NELL2: variants seen among roughly 807,000 people sequenced by gnomAD.
The protein encoded by NELL2 is neural EGFL like 2.
In NELL2, 41 loss-of-function variants were observed where a neutral mutation model predicts 109.6. The observed-to-expected ratio is 0.37, with a 90% CI of 0.29 to 0.49. The LOEUF is 0.49. Among genes scored for constraint, NELL2 ranks in the 20% least tolerant of loss-of-function variants. The pLI is 0.98. For synonymous variants in NELL2, 355 were observed against 344.7 expected, an observed-to-expected ratio of 1.03 and a Z score of -0.33; for missense variants, 900 against 1,008.3, an observed-to-expected ratio of 0.89 and a Z score of 1.45.
chr12:44,554,482 G>A (rs1168392855), intron 15 of NELL2, among the ~76,000 whole-genome samples: 1 of 152,056 alleles, frequency 6.6e-6, no homozygotes, highest in Non-Finnish European at 1.5e-5. Context: ...TCTTGCAGAG[G>A]GATACCATGA....
chr12:44,657,979 C>G (rs1481550867), intron 13 of NELL2, among the ~76,000 whole-genome samples: 1 of 152,192 alleles, frequency 6.6e-6, no homozygotes, highest in African/African-American at 2.4e-5. Flanking sequence ...ATTTATAAGA[C>G]TTTGGGTATA....
chr12:44,849,069 G>T (rs926376314), intron 2 of NELL2, among the ~76,000 whole-genome samples: 3 of 152,086 alleles, frequency 2.0e-5, no homozygotes, highest in Non-Finnish European at 4.4e-5. Context: ...TCTTTCTGTT[G>T]AATTTACACA....
chr12:44,657,554 C>T (rs1947554908), intron 13 of NELL2, among the ~76,000 whole-genome samples: 1 of 152,174 alleles, frequency 6.6e-6, no homozygotes, highest in South Asian at 2.1e-4. Flanking sequence ...TAGGTATACA[C>T]GTGCCATGGT....
At chr12:44,652,843 C>T (rs1173600029) in intron 13 of NELL2, among the ~76,000 whole-genome samples, 2 of 152,196 alleles carry the variant, frequency 1.3e-5, no homozygotes. Flanking sequence ...AATCTGTTTC[C>T]TTGCCTTTTC....
At chr12:44,869,703 C>T (rs1477015043) in intron 2 of NELL2, among the ~76,000 whole-genome samples, 2 of 152,050 alleles carry the variant, frequency 1.3e-5, no homozygotes, top group Non-Finnish European at 2.9e-5. Flanking sequence ...TTCAAAGAGC[C>T]CTCAATGTAA....
At chr12:44,614,736 A>T (rs537202526) in intron 13 of NELL2, among the ~76,000 whole-genome samples, 7 of 152,134 alleles carry the variant, frequency 4.6e-5, no homozygotes, top group Admixed American at 4.6e-4. Flanking sequence ...TGAGGTTTAA[A>T]TTTGGTATTC....
intron 9 of NELL2, among the ~76,000 whole-genome samples, chr12:44,765,480 C>T (rs910753448): frequency 6.6e-6 from 1 of 152,090 alleles, no homozygotes. Context: ...GTAGCCAGTT[C>T]CCTAATATAG....
At chr12:44,770,007 A>G (rs1269795813) in intron 9 of NELL2, among the ~76,000 whole-genome samples, 1 of 152,132 alleles carries the variant, frequency 6.6e-6, no homozygotes, top group Non-Finnish European at 1.5e-5. Flanking sequence ...GGAAATCAGG[A>G]CACAATTTGA....
intron 15 of NELL2, among the ~76,000 whole-genome samples, chr12:44,584,721 G>A (rs1944435359): frequency 6.6e-6 from 1 of 152,150 alleles, no homozygotes; most frequent in East Asian, 1.9e-4. Flanking sequence ...GAAAATCCAT[G>A]TTGCTATAAA....
chr12:44,863,942 G>A (rs1944914682), intron 2 of NELL2, among the ~76,000 whole-genome samples: 1 of 152,162 alleles, frequency 6.6e-6, no homozygotes, highest in Admixed American at 6.5e-5. Context: ...GGCTGTAAAT[G>A]TGTAGAGTTT....
rs140508921 is a variant in NELL2, at chr12:44,733,161, A to T, written c.995-18420T>A. Among the ~76,000 whole-genome samples, 145 of 152,102 alleles carry T rather than the reference A, an allele frequency of 9.5e-4. 1 individual carries two copies. Among genetic ancestry groups the T allele is most frequent in the Non-Finnish European group, 1.8e-3 (123 of 67,864 alleles). On this transcript the variant is annotated intron_variant, in intron 9 of 19. Coordinates refer to ENST00000429094, the MANE Select transcript of NELL2 (RefSeq NM_001145108.2). The stretch of plus-strand genomic sequence containing the variant: ...AAACAGCATAGAGGTTCCTCAAAAA[A>T]TTGAAAATAAAACTACCATATGCTC...
At chr12:44,669,792 AT>A (rs1222455461) in intron 12 of NELL2, among the ~76,000 whole-genome samples, 4 of 152,184 alleles carry the variant, frequency 2.6e-5, no homozygotes, top group Non-Finnish European at 5.9e-5. Flanking sequence ...TAAAATTTGA[AT>A]TTTGGGAGTT....
In NELL2 at chr12:44,523,409, T is replaced by A; in HGVS notation, c.1880A>T (p.Asp627Val). Reference protein sequence around the residue: ...TICFNLDGGYDCRCPHGKNCT... With the variant: ...TICFNLDGGYVCRCPHGKNCT... ...ATTCTTTCCATGAGGACATCGACAA[T>A]CATATCCGCCATCCAAATTGAAGCA... Residue 627 changes from aspartate to valine, a missense_variant, in exon 17 of 20, where the codon GAT becomes GTT. Transcript: ENST00000429094. 1 of 1,614,088 alleles carries A rather than the reference T, an allele frequency of 6.2e-7. No homozygotes were observed. The highest frequency in any genetic ancestry group is 8.5e-7 in the Non-Finnish European group (1 of 1,180,010).
At chr12:44,667,903 G>T (rs1037870026) in intron 12 of NELL2, among the ~76,000 whole-genome samples, 25 of 152,148 alleles carry the variant, frequency 1.6e-4, no homozygotes, top group Non-Finnish European at 4.4e-5. Flanking sequence ...CAGGCCCTGA[G>T]CCTAGCATAG....
chr12:44,685,800 G>T (rs1948695729), intron 12 of NELL2, among the ~76,000 whole-genome samples: 1 of 152,018 alleles, frequency 6.6e-6, no homozygotes, highest in Non-Finnish European at 1.5e-5. Context: ...TAGTCTGATG[G>T]GCTTCCCTTT....
At chr12:44,899,624 G>T (rs910605602) in intron 1 of NELL2, among the ~76,000 whole-genome samples, 1 of 152,048 alleles carries the variant, frequency 6.6e-6, no homozygotes, top group African/African-American at 2.4e-5. Flanking sequence ...CACTAAATAT[G>T]GAAAGGAAAA....
chr12:44,653,694 A>G (rs1345557568), intron 13 of NELL2, among the ~76,000 whole-genome samples: 1 of 152,196 alleles, frequency 6.6e-6, no homozygotes, highest in Admixed American at 6.5e-5. Flanking sequence ...ATGTAATACT[A>G]TATCACCTTA....
chr12:44,539,616 T>C (rs1476252233), intron 15 of NELL2, among the ~76,000 whole-genome samples: 1 of 152,200 alleles, frequency 6.6e-6, no homozygotes, highest in Non-Finnish European at 1.5e-5. Context: ...AAATCACTAA[T>C]AATTTCATGG....
chr12:44,856,329 C>G (rs1605298), intron 2 of NELL2, among the ~76,000 whole-genome samples: 121,538 of 152,184 alleles, frequency 0.8, 48,975 homozygotes, highest in Middle Eastern at 0.94. Context: ...CCCGCATGCA[C>G]TTTACTTTTT....
Sources: allele counts gnomAD v4.1 joint callset (sites outside exome capture counted in the v4.1 genomes callset), GRCh38; gene constraint gnomAD v4.1.1; transcripts MANE v1.5; gene names NCBI Gene and HGNC (gene_info 2026-07-23, HGNC 2026-07-21).